Variants in N4BP2 observed in about 807,000 individuals in gnomAD.
N4BP2 encodes NEDD4-binding protein 2.
A neutral mutation model predicts 152.8 loss-of-function variants in N4BP2; 91 were observed. The observed-to-expected ratio is 0.60, with a 90% CI of 0.50 to 0.71. The LOEUF (loss-of-function observed/expected upper bound fraction) is 0.71. Ranked by LOEUF, N4BP2 falls within the 30% of genes least tolerant of loss-of-function variation. The pLI is 0.00. For synonymous variants in N4BP2, 646 were observed against 705.3 expected (o/e 0.92, Z 1.33); for missense variants, 1,923 against 2,059.1 (o/e 0.93, Z 1.28).
intron 17 of N4BP2, 108 bp from the exon 18 acceptor site, chr4:40,154,084 G>A: frequency 1.3e-6 from 1 of 749,776 alleles, no homozygotes; most frequent in South Asian, 1.6e-5. Context: ...CAATACTTTG[G>A]TAGTAAATAT....
intron 14 of N4BP2, among the ~76,000 whole-genome samples, chr4:40,137,620 T>C (rs557405435): frequency 5.2e-4 from 79 of 152,102 alleles, no homozygotes; most frequent in Non-Finnish European, 9.9e-4. Context: ...CGTGCAGACA[T>C]GGAAGTGTCG....
rs1717872022 is a variant in N4BP2 at position 40,121,199 on chromosome 4, A to G, written c.3088A>G (p.Lys1030Glu). The part of the protein sequence containing the change: ...QDFALLWKIE[K>E]NKISISDSIK... ...TTTTGCTCTTTTATGGAAAATAGAA[A>G]AGAATAAAATTAGCATTTCAGATTC... is the stretch of plus-strand genomic sequence containing the variant. Residue 1030 changes from lysine to glutamate, a missense_variant, in exon 9 of 18, where the codon AAG becomes GAG. Transcript: ENST00000261435. The G allele has an allele frequency of 6.2e-7, 1 of 1,613,936 alleles. No individual in the cohort carries two copies. The highest frequency in any genetic ancestry group is 1.3e-5 in the African/African-American group (1 of 74,928).
chr4:40,177,794 C>T, the N4BP2 span, among the ~76,000 whole-genome samples: 1 of 152,134 alleles, frequency 6.6e-6, no homozygotes. Context: ...CTCTAATGTT[C>T]TTCCATCTTC....
chr4:40,171,895 G>A, the N4BP2 span, among the ~76,000 whole-genome samples: 2 of 152,174 alleles, frequency 1.3e-5, no homozygotes, highest in African/African-American at 2.4e-5. Flanking sequence ...GATGGAGGCC[G>A]GGAGACTAAG....
At chr4:40,126,373 G>T (rs776726830) in intron 12 of N4BP2, 43 bp downstream of exon 12, 1 of 969,062 alleles carries the variant, frequency 1.0e-6, no homozygotes, top group East Asian at 2.8e-5. Flanking sequence ...TCTGATTCTG[G>T]TTTATTGTGT....
chr4:40,061,305 G>C (rs910862586), intron 1 of N4BP2, among the ~76,000 whole-genome samples: 2 of 151,890 alleles, frequency 1.3e-5, no homozygotes, highest in Non-Finnish European at 2.9e-5. Context: ...GAGTAGCTGG[G>C]ATTACAGGTG....
chr4:40,083,144 G>GA, intron 2 of N4BP2: 2 of 131,850 alleles, frequency 1.5e-5, no homozygotes, highest in East Asian at 2.2e-4. Flanking sequence ...AAAACAAAAG[G>GA]AAAAAAAGAA....
chr4:40,136,379 T>TATCTATCAATC (rs10646836), intron 13 of N4BP2, among the ~76,000 whole-genome samples: 1 of 150,238 alleles, frequency 6.7e-6, no homozygotes, highest in African/African-American at 2.5e-5. Flanking sequence ...TCTATCTATC[T>TATCTATCAATC]ATCTATCTAT....
At chr4:40,179,926 G>A in the N4BP2 span, among the ~76,000 whole-genome samples, 9 of 151,702 alleles carry the variant, frequency 5.9e-5, no homozygotes, top group Non-Finnish European at 7.4e-5. Flanking sequence ...CACCACGCCC[G>A]GCTACTTTTG....
At chr4:40,181,312 T>A in the N4BP2 span, among the ~76,000 whole-genome samples, 1 of 152,220 alleles carries the variant, frequency 6.6e-6, no homozygotes, top group Non-Finnish European at 1.5e-5. Context: ...CAACTTTCTG[T>A]TCGTTTCTTC....
At chr4:40,160,813 CTT>C (rs1418381626), downstream of N4BP2, among the ~76,000 whole-genome samples, 1 of 152,154 alleles carries the variant, frequency 6.6e-6, no homozygotes, top group Non-Finnish European at 1.5e-5. Context: ...ATTAGAGGCA[CTT>C]TTGCAAAAGG....
At position 40,097,337 on chromosome 4, in the gene N4BP2, C is replaced by T; in HGVS notation, c.-4C>T. On this transcript the variant is annotated 5_prime_UTR_variant, in exon 3 of 18. Transcript: ENST00000261435. ...AGGGAAACATTTTAGTTTTGGAAGT[C>T]AGAATGCCAAGGAGAAGGAAAAATC... The T allele has an allele frequency of 3.1e-6, 5 of 1,610,424 alleles. No homozygotes were observed. The highest frequency in any genetic ancestry group is 3.4e-6 in the Non-Finnish European group (4 of 1,177,294).
intron 2 of N4BP2, among the ~76,000 whole-genome samples, chr4:40,086,387 G>C (rs986508352): frequency 2.0e-5 from 3 of 151,752 alleles, no homozygotes; most frequent in African/African-American, 7.3e-5. Flanking sequence ...ACCCAGGCTG[G>C]AGTGCAGTGG....
chr4:40,132,120 T>C (rs1327424538), intron 13 of N4BP2, among the ~76,000 whole-genome samples: 2 of 152,128 alleles, frequency 1.3e-5, no homozygotes, highest in Non-Finnish European at 2.9e-5. Flanking sequence ...TACTATGTTT[T>C]TTTCCTATAA....
At chr4:40,075,423 G>T (rs1712631077) in intron 2 of N4BP2, among the ~76,000 whole-genome samples, 1 of 152,024 alleles carries the variant, frequency 6.6e-6, no homozygotes, top group Admixed American at 6.6e-5. Flanking sequence ...TTTTGAGATG[G>T]AGTCTCACTC....
intron 5 of N4BP2, among the ~76,000 whole-genome samples, chr4:40,110,815 G>A (rs761553127): frequency 2.0e-5 from 3 of 151,866 alleles, no homozygotes; most frequent in Non-Finnish European, 4.4e-5. Context: ...TGAGATCATA[G>A]GTGTGAGGTA....
chr4:40,133,255 G>A (rs974325808), intron 13 of N4BP2, among the ~76,000 whole-genome samples: 5 of 151,690 alleles, frequency 3.3e-5, no homozygotes, highest in African/African-American at 9.7e-5. Context: ...TTCTCTATAT[G>A]TTTTGATTTT....
At chr4:40,186,948 T>C in the N4BP2 span, among the ~76,000 whole-genome samples, 9 of 152,236 alleles carry the variant, frequency 5.9e-5, no homozygotes, top group Non-Finnish European at 1.2e-4. Flanking sequence ...TTGCAATTTA[T>C]AAATAAGTAC....
rs1010413121 is a variant in N4BP2, at chr4:40,138,501, C to T, written c.4785+1419C>T. On this transcript the variant is annotated intron_variant, in intron 14 of 17. Coordinates refer to ENST00000261435, the MANE Select transcript of N4BP2 (RefSeq NM_018177.6). Reference sequence around the variant, plus strand: ...TGCCAAATCCAATGTCATGAACTTTCCTCCTGTATTTTCTGTAGGAGTCTT... The same window carrying T: ...TGCCAAATCCAATGTCATGAACTTTTCTCCTGTATTTTCTGTAGGAGTCTT... 4.1e-4 allele frequency among the ~76,000 whole-genome samples: 63 copies of T among 152,166 alleles called. 1 individual carries two copies. The highest frequency in any genetic ancestry group is 1.5e-3 in the African/African-American group (61 of 41,444).
Sources: gnomAD v4.1 joint callset for allele counts (sites outside exome capture counted in the v4.1 genomes callset) on GRCh38, gnomAD v4.1.1 for gene constraint, MANE v1.5 for transcripts, NCBI Gene and HGNC (gene_info 2026-07-23, HGNC 2026-07-21) for gene names.